PTGES2: variants seen among roughly 807,000 people sequenced by gnomAD.
PTGES2 encodes the protein prostaglandin E synthase 2.
PTGES2 carries 35 observed loss-of-function variants against 44.5 expected under a neutral mutation model. That is an observed-to-expected ratio of 0.79 (90% CI 0.60 to 1.04). The LOEUF is 1.04. PTGES2 is among the 50% of genes least tolerant of loss of function. The pLI, the probability that PTGES2 is intolerant of heterozygous loss-of-function variation, is 0.00. For missense variants in PTGES2, 517 were observed against 521.4 expected (o/e 0.99, Z 0.08); for synonymous variants, 221 against 227.5 (o/e 0.97, Z 0.26).
upstream of PTGES2, chr9:128,127,762 C>T: frequency 6.4e-6 from 8 of 1,243,472 alleles, no homozygotes; most frequent in Middle Eastern, 3.1e-4. Flanking sequence ...AACGAAGACG[C>T]CGAGGCACGC....
Position 128,127,611 on chromosome 9 carries a change from G to A in PTGES2, c.107C>T (p.Ala36Val), listed in dbSNP as rs1286455333. The change falls in exon 1 of 7, where the codon GCT (alanine) becomes GTT (valine). Residue 36 changes from alanine to valine, a missense_variant. Ala to Val is a moderately conservative substitution (Grantham distance 64). Transcript: ENST00000338961. ...GCCGCCCGCCGCCCCCGCGAAGCCAGCCCGGCTCTGCGTGGGTAGCAGCGG... is the reference window on the plus strand; with the variant it reads ...GCCGCCCGCCGCCCCCGCGAAGCCAACCCGGCTCTGCGTGGGTAGCAGCGG... ...PQPLLPTQSR[A>V]GFAGAAGGPS... The A allele has an allele frequency of 2.4e-6, 3 of 1,268,836 alleles. No homozygotes were observed. In the East Asian group the frequency reaches 9.5e-5, roughly 40 times the overall value. 78.6% of individuals were successfully genotyped at this position (1,268,836 alleles called of 1,614,324 possible).
intron 6 of PTGES2, among the ~76,000 whole-genome samples, chr9:128,122,107 C>T (rs1018386891): frequency 2.0e-5 from 3 of 152,152 alleles, no homozygotes; most frequent in African/African-American, 7.2e-5. Context: ...CTGGTAACAC[C>T]ACCCGGGCCT....
rs1834379094 is a variant in PTGES2, at chr9:128,120,836, T to C, written c.*309A>G. On this transcript the variant is annotated 3_prime_UTR_variant, in exon 7 of 7. Transcript: ENST00000338961. ...GAAAACAAACCGTCCTGCTGTCCTGTCGAGGGCCCCCACCCACAGGATGTA... is the reference window on the plus strand; with the variant it reads ...GAAAACAAACCGTCCTGCTGTCCTGCCGAGGGCCCCCACCCACAGGATGTA... 4 of 386,038 alleles carry C rather than the reference T, an allele frequency of 1.0e-5. No homozygotes were observed. Among genetic ancestry groups the C allele is most frequent in the Non-Finnish European group, 1.9e-5 (4 of 212,730 alleles). The allele number at this position is 386,038 out of a possible 1,614,324, so 23.9% of individuals were successfully genotyped here.
At chr9:128,127,911 C>T, upstream of PTGES2, 3 of 475,506 alleles carry the variant, frequency 6.3e-6, no homozygotes, top group Non-Finnish European at 1.0e-5. Context: ...GCCGCAGAGG[C>T]CCGCTCGGGA....
At chr9:128,124,600 G>A (rs760414841) in intron 2 of PTGES2, 50 bp from the exon 3 acceptor site, 5 of 1,548,860 alleles carry the variant, frequency 3.2e-6, no homozygotes, top group African/African-American at 2.7e-5. Flanking sequence ...CAGCCGCTGG[G>A]AGTCACCAGG....
In PTGES2 at chr9:128,121,086, C is replaced by CCCCA; in HGVS notation, c.*55_*58dup. On this transcript the variant is annotated 3_prime_UTR_variant, in exon 7 of 7. Coordinates refer to ENST00000338961, the MANE Select transcript of PTGES2 (RefSeq NM_025072.7). ...GTATCGCCAGGCGCTGGCCCAGTGG[C>CCCCA]CCCAGGCCCTGGCAGCTGGCGTCTT... 1 of 1,548,164 alleles carries CCCCA rather than the reference C, an allele frequency of 6.5e-7. No homozygotes were observed. Among genetic ancestry groups the CCCCA allele is most frequent in the Non-Finnish European group, 8.7e-7 (1 of 1,146,970 alleles).
rs958718487 is a variant in PTGES2 at position 128,125,243 on chromosome 9, C to T, written c.477+1G>A. On this transcript the variant is annotated splice_donor_variant, in intron 2 of 6. Coordinates refer to ENST00000338961, the MANE Select transcript of PTGES2 (RefSeq NM_025072.7). LOFTEE classifies it high-confidence loss of function. ...GATGCAGGGGGTTCCCTGGGGCTCA[C>T]CGAGCTTTCTCCTTCCTGGGCCACC... 2 of 1,573,536 alleles carry T rather than the reference C, an allele frequency of 1.3e-6. No individual in the cohort carries two copies. The highest frequency in any genetic ancestry group is 1.7e-6 in the Non-Finnish European group (2 of 1,159,494).
chr9:128,126,351 G>A (rs1364314792), intron 1 of PTGES2, among the ~76,000 whole-genome samples: 1 of 152,092 alleles, frequency 6.6e-6, no homozygotes, highest in African/African-American at 2.4e-5. Flanking sequence ...CCACCACTTA[G>A]GGGGTCACCA....
intron 6 of PTGES2, among the ~76,000 whole-genome samples, chr9:128,121,926 AAAC>A (rs1290936162): frequency 5.9e-5 from 9 of 151,886 alleles, no homozygotes; most frequent in East Asian, 3.9e-4. Context: ...AAAAAAACAA[AAAC>A]AACAACAACA....
chr9:128,128,409 C>T, upstream of PTGES2: 1 of 451,964 alleles, frequency 2.2e-6, no homozygotes, highest in South Asian at 1.6e-5. Flanking sequence ...GAGCCTCCAC[C>T]GCATAGGCGT....
At chr9:128,125,872 C>G (rs1180301839) in intron 1 of PTGES2, among the ~76,000 whole-genome samples, 1 of 152,194 alleles carries the variant, frequency 6.6e-6, no homozygotes, top group African/African-American at 2.4e-5. Flanking sequence ...ACCACCCAGG[C>G]TCATGTTCAC....
rs1834382704 is a variant in PTGES2 at position 128,120,909 on chromosome 9, G to C, written c.*236C>G. On this transcript the variant is annotated 3_prime_UTR_variant, in exon 7 of 7. Transcript: ENST00000338961. ...TCCAGGAAGAGGGGCGGCAGAGCAGGGAGGCAGGGACAGGGAGGGGTCGCC... is the reference window on the plus strand; with the variant it reads ...TCCAGGAAGAGGGGCGGCAGAGCAGCGAGGCAGGGACAGGGAGGGGTCGCC... The C allele has an allele frequency of 1.8e-6, 1 of 543,256 alleles. No individual in the cohort carries two copies. Among genetic ancestry groups the C allele is most frequent in the Non-Finnish European group, 3.2e-6 (1 of 310,866 alleles). 33.7% of individuals were successfully genotyped at this position (543,256 alleles called of 1,614,324 possible). A position where few individuals can be genotyped will look rare whatever the true frequency, so the allele number is the denominator to read the frequency against.
intron 1 of PTGES2, among the ~76,000 whole-genome samples, chr9:128,126,991 C>T (rs938979451): frequency 2.0e-5 from 3 of 151,568 alleles, no homozygotes; most frequent in African/African-American, 4.9e-5. Flanking sequence ...CCAGCCTGGG[C>T]GACATGGTGA....
chr9:128,124,991 G>A (rs1163606458), intron 2 of PTGES2: 21 of 761,660 alleles, frequency 2.8e-5, no homozygotes, highest in Admixed American at 2.0e-4. Flanking sequence ...AACCCAGATC[G>A]CTGATTTCAG....
At chr9:128,124,753 TG>T in intron 2 of PTGES2, 1 of 1,350,768 alleles carries the variant, frequency 7.4e-7, no homozygotes, top group East Asian at 3.0e-5. Flanking sequence ...GGGAAAGCCG[TG>T]GGGTCTAAGC....
upstream of PTGES2, chr9:128,127,962 T>C (rs2130860692): frequency 6.7e-6 from 3 of 450,698 alleles, no homozygotes; most frequent in East Asian, 3.8e-5. Context: ...CCAAAGGCTC[T>C]TGGGTAGTGA....
At position 128,123,065 on chromosome 9, in the gene PTGES2, G is replaced by C. The variant is rs1834482698; in HGVS notation, c.756C>G (p.Arg252=). The stretch of plus-strand genomic sequence containing the variant: ...AGGACGCCAGAGCCTCGGTGGGCGT[G>C]CGGTACACATTGGGGGAGATCAGGT... ...LVHLISPNVY[R]TPTEALASFD... is the part of the protein sequence containing the mutation. The change falls in exon 5 of 7, where the codon CGC becomes CGG. Residue 252 remains arginine (R), a synonymous_variant. Coordinates refer to ENST00000338961, the MANE Select transcript of PTGES2 (RefSeq NM_025072.7). The surrounding 1 kb of genome is among the most constrained non-coding windows in gnomAD (Gnocchi z 4.4). The C allele has an allele frequency of 6.2e-7, 1 of 1,612,978 alleles. No individual in the cohort carries two copies. Among genetic ancestry groups the C allele is most frequent in the Non-Finnish European group, 8.5e-7 (1 of 1,179,962 alleles).
rs745728595 is a variant in PTGES2, at chr9:128,121,255, G to A, written c.1024C>T (p.Arg342Cys). The A allele has an allele frequency of 9.3e-6, 15 of 1,608,906 alleles. No homozygotes were observed. The highest frequency in any genetic ancestry group is 3.3e-5 in the South Asian group (3 of 90,134). ...LADLAVYGVL[R>C]VMEGLDAFDD... ...AACGCATCCAGCCCCTCCATCACAC[G>A]CAGCACGCCATACACCGCCTGGGGC... Residue 342 changes from arginine (R) to cysteine (C), a missense_variant, in exon 7 of 7, where the codon CGT becomes TGT. By Grantham distance (180) the Arg-to-Cys change is radical (BLOSUM62 -3). Coordinates refer to ENST00000338961, the MANE Select transcript of PTGES2 (RefSeq NM_025072.7).
intron 1 of PTGES2, among the ~76,000 whole-genome samples, chr9:128,126,989 G>C (rs1185902863): frequency 6.6e-6 from 1 of 151,772 alleles, no homozygotes; most frequent in East Asian, 1.9e-4. Flanking sequence ...GACCAGCCTG[G>C]GCGACATGGT....
Sources: gnomAD v4.1 joint callset for allele counts (sites outside exome capture counted in the v4.1 genomes callset) on GRCh38, gnomAD v4.1.1 for gene constraint, Gnocchi (gnomAD v3.1) non-coding constraint, MANE v1.5 for transcripts, NCBI Gene and HGNC (gene_info 2026-07-23, HGNC 2026-07-21) for gene names.